DDX31: variants seen among roughly 807,000 people sequenced by gnomAD.
The protein encoded by DDX31 is DEAD-box helicase 31, also known as ATP-dependent DNA helicase DDX31.
A neutral mutation model predicts 91.3 loss-of-function variants in DDX31; 70 were observed. The observed-to-expected ratio is 0.77, with a 90% CI of 0.63 to 0.94. The LOEUF is 0.94. Ranked by LOEUF, DDX31 falls within the 40% of genes least tolerant of loss-of-function variation. The pLI is 0.00. For synonymous variants in DDX31, 362 were observed against 350.6 expected (o/e 1.03, Z -0.36); for missense variants, 902 against 925.0 (o/e 0.98, Z 0.32).
intron 11 of DDX31, among the ~76,000 whole-genome samples, chr9:132,647,436 A>C (rs1426543759): frequency 2.0e-5 from 3 of 152,092 alleles, no homozygotes; most frequent in Non-Finnish European, 2.9e-5. Flanking sequence ...TTATTGTGTT[A>C]ATGTGCCCTG....
chr9:132,662,315 T>C lies in DDX31; in HGVS notation c.354A>G (p.Gln118=), dbSNP rs771602676. 1 of 1,614,108 alleles carries C rather than the reference T, an allele frequency of 6.2e-7. No homozygotes were observed. Among genetic ancestry groups the C allele is most frequent in the African/African-American group, 1.3e-5 (1 of 74,924 alleles). ...AAGCAGCTGAAGTAAACACTTTTTC[T>C]TGCACCTGCTTTACCACAGGTCTGC... ...ELHRPVVKQV[Q]EKVFTSAAFH... is the part of the protein sequence containing the mutation. Residue 118 remains glutamine (Q), a synonymous_variant, in exon 3 of 20, where the codon CAA becomes CAG. Coordinates refer to ENST00000372159, the MANE Select transcript of DDX31 (RefSeq NM_022779.9).
chr9:132,648,973 G>C (rs1383517216), intron 9 of DDX31, among the ~76,000 whole-genome samples: 1 of 152,104 alleles, frequency 6.6e-6, no homozygotes, highest in Non-Finnish European at 1.5e-5. Context: ...CTTATGCTAA[G>C]CCCTTTATGT....
At chr9:132,609,779 G>A (rs907518932) in intron 19 of DDX31, among the ~76,000 whole-genome samples, 3 of 152,020 alleles carry the variant, frequency 2.0e-5, no homozygotes, top group East Asian at 1.9e-4. Context: ...CTGTCACCAC[G>A]CCTGGCTGAT....
intron 1 of DDX31, among the ~76,000 whole-genome samples, chr9:132,669,415 T>C (rs554691843): frequency 1.9e-4 from 29 of 151,870 alleles, no homozygotes; most frequent in Admixed American, 7.9e-4. Context: ...AGCCATCTGA[T>C]GAGAATTTAT....
At chr9:132,658,605 T>C in intron 6 of DDX31, 66 bp downstream of exon 6, 1 of 1,414,478 alleles carries the variant, frequency 7.1e-7, no homozygotes, top group African/African-American at 1.4e-5. Flanking sequence ...ATATTTCTGT[T>C]ATGCTTCAGT....
At chr9:132,596,061 A>C (rs1830420123) in intron 19 of DDX31, among the ~76,000 whole-genome samples, 1 of 152,234 alleles carries the variant, frequency 6.6e-6, no homozygotes, top group African/African-American at 2.4e-5. Flanking sequence ...CAACTCCTTC[A>C]ATACCAAAAC....
chr9:132,602,738 C>T (rs370795921), intron 19 of DDX31, among the ~76,000 whole-genome samples: 115 of 152,320 alleles, frequency 7.5e-4, no homozygotes, highest in African/African-American at 2.7e-3. Context: ...CCAGTTTATT[C>T]ACTTACAAAA....
chr9:132,627,506 T>C (rs147410205), intron 16 of DDX31, among the ~76,000 whole-genome samples: 250 of 152,322 alleles, frequency 1.6e-3, no homozygotes, highest in Non-Finnish European at 2.9e-3. Context: ...GATAAATAAA[T>C]AAATTCAGGG....
At chr9:132,632,124 G>A in intron 14 of DDX31, 33 bp from the exon 15 acceptor site, 1 of 1,601,728 alleles carries the variant, frequency 6.2e-7, no homozygotes. Flanking sequence ...GTTTAACACT[G>A]AGTTTCTGAA....
chr9:132,624,166 C>CAA lies in DDX31; in HGVS notation c.1713+1496_1713+1497dup, dbSNP rs4021852. 8.7e-3 allele frequency among the ~76,000 whole-genome samples: 622 copies of CAA among 71,406 alleles called. 26 individuals carry two copies. Among genetic ancestry groups the CAA allele is most frequent in the African/African-American group, 0.02 (343 of 17,460 alleles). 46.8% of individuals were successfully genotyped at this position (71,406 alleles called of 152,430 possible). A position where few individuals can be genotyped will look rare whatever the true frequency, so the allele number is the denominator to read the frequency against. On this transcript the variant is annotated intron_variant, in intron 17 of 19. Transcript: ENST00000372159. Reference sequence around the variant, plus strand: ...TGGGCGACAGAGCGAGACTCCGTCTCAAAAAAAAAAAAAAAAAAAAAAAAA... The same window carrying CAA: ...TGGGCGACAGAGCGAGACTCCGTCTCAAAAAAAAAAAAAAAAAAAAAAAAAAA...
chr9:132,638,865 A>C (rs1833296396), intron 14 of DDX31, among the ~76,000 whole-genome samples: 2 of 152,244 alleles, frequency 1.3e-5, no homozygotes, highest in Admixed American at 1.3e-4. Context: ...TGCTATTTCC[A>C]AATTTTCATA....
In DDX31 at chr9:132,669,576, C is replaced by T. The variant is rs760162665; in HGVS notation, c.75+284G>A. The stretch of plus-strand genomic sequence containing the variant: ...CCGGAACTTCAGGTCCTACCTTCCA[C>T]GGGAAACAGCCTCTAATTCCTTCCT... On this transcript the variant is annotated intron_variant, in intron 1 of 19. Transcript: ENST00000372159. The T allele has an allele frequency of 8.8e-6, 13 of 1,476,658 alleles. No individual in the cohort carries two copies. In the South Asian group the frequency reaches 1.3e-4, roughly 15 times the overall value. The allele number at this position is 1,476,658 out of a possible 1,614,324, so 91.5% of individuals were successfully genotyped here.
chr9:132,597,665 C>A (rs1589951543), intron 19 of DDX31, among the ~76,000 whole-genome samples: 1 of 152,172 alleles, frequency 6.6e-6, no homozygotes, highest in Admixed American at 6.5e-5. Context: ...ATCTTCCAGG[C>A]ACCAGCGCTC....
chr9:132,635,451 A>G (rs1833046235), intron 14 of DDX31, among the ~76,000 whole-genome samples: 1 of 139,742 alleles, frequency 7.2e-6, no homozygotes, highest in African/African-American at 2.6e-5. Flanking sequence ...TCATATGTAC[A>G]TAGCTTTTTT....
chr9:132,664,658 G>T (rs78201750), intron 1 of DDX31, among the ~76,000 whole-genome samples: 1 of 146,936 alleles, frequency 6.8e-6, no homozygotes, highest in Non-Finnish European at 1.5e-5. Context: ...GGATTGAGTC[G>T]TGATGACGCC....
At chr9:132,661,083 T>C (rs1258694251) in intron 4 of DDX31, 125 bp downstream of exon 4, 5 of 806,236 alleles carry the variant, frequency 6.2e-6, no homozygotes, top group African/African-American at 1.7e-5. Context: ...CAACCCTTTA[T>C]GGTCGATAAC....
chr9:132,628,876 C>T (rs1353414768), intron 16 of DDX31, among the ~76,000 whole-genome samples: 1 of 152,238 alleles, frequency 6.6e-6, no homozygotes, highest in Non-Finnish European at 1.5e-5. Flanking sequence ...TCTGAAGATG[C>T]TTTCTGCATG....
chr9:132,638,539 G>A (rs1013262359), intron 14 of DDX31, among the ~76,000 whole-genome samples: 1 of 152,074 alleles, frequency 6.6e-6, no homozygotes. Context: ...CAGAAGACAC[G>A]AAATTACATT....
chr9:132,602,554 C>T (rs1385231607), intron 19 of DDX31, among the ~76,000 whole-genome samples: 1 of 152,180 alleles, frequency 6.6e-6, no homozygotes, highest in African/African-American at 2.4e-5. Flanking sequence ...AACCCACGCT[C>T]CTAGCACTGT....
Sources: gnomAD v4.1 joint callset for allele counts (sites outside exome capture counted in the v4.1 genomes callset) on GRCh38, gnomAD v4.1.1 for gene constraint, MANE v1.5 for transcripts, NCBI Gene and HGNC (gene_info 2026-07-23, HGNC 2026-07-21) for gene names.